MATK: variants seen among roughly 807,000 people sequenced by gnomAD.
The protein encoded by MATK is megakaryocyte-associated tyrosine-protein kinase.
Under a neutral mutation model 59.8 loss-of-function variants are expected in MATK, and 41 were observed. That is an observed-to-expected ratio of 0.69 (90% CI 0.53 to 0.89). The LOEUF is 0.89. MATK is among the 40% of genes least tolerant of loss of function. MATK has a pLI of 0.00. For synonymous variants in MATK, 308 were observed against 306.1 expected, an observed-to-expected ratio of 1.01 and a Z score of -0.06; for missense variants, 593 against 719.6, an observed-to-expected ratio of 0.82 and a Z score of 2.01.
upstream of MATK, chr19:3,789,469 C>T: frequency 5.2e-6 from 3 of 578,720 alleles, no homozygotes; most frequent in South Asian, 6.4e-5. Context: ...CAGGAGGCCT[C>T]ACCCCAGAAG....
chr19:3,788,097 TTTATA>T (rs71166928), upstream of MATK, among the ~76,000 whole-genome samples: 37,100 of 133,284 alleles, frequency 0.28, 4,928 homozygotes, highest in East Asian at 0.3. Flanking sequence ...ATTATTAATA[TTTATA>T]TTATATTATA....
In MATK at chr19:3,784,901, G is replaced by A. The variant is rs140755641; in HGVS notation, c.73-17C>T. The A allele has an allele frequency of 2.7e-6, 4 of 1,499,754 alleles. No homozygotes were observed. Among genetic ancestry groups the A allele is most frequent in the African/African-American group, 1.4e-5 (1 of 72,402 alleles). The allele number at this position is 1,499,754 out of a possible 1,614,324, so 92.9% of individuals were successfully genotyped here. A position where few individuals can be genotyped will look rare whatever the true frequency, so the allele number is the denominator to read the frequency against. The stretch of plus-strand genomic sequence containing the variant: ...GGGGCTCACCTGGGGAGGGGACAGA[G>A]TCCAGGTGGGAGCTGGGCTGGGACC... On this transcript the variant is annotated splice_polypyrimidine_tract_variant and intron_variant, in intron 2 of 13. Transcript: ENST00000310132.
chr19:3,793,136 C>G (rs1015167833), intron 1 of MATK: 4 of 152,244 alleles, frequency 2.6e-5, no homozygotes, highest in African/African-American at 9.6e-5. Context: ...CCTCTTGGGG[C>G]GAGCTGCTTT....
chr19:3,790,412 C>T (rs910949587), upstream of MATK, among the ~76,000 whole-genome samples: 1 of 152,182 alleles, frequency 6.6e-6, no homozygotes, highest in African/African-American at 2.4e-5. Flanking sequence ...CAGAGCAGTC[C>T]CCTTTCTGGC....
intron 8 of MATK, among the ~76,000 whole-genome samples, chr19:3,780,907 T>A (rs878965522): frequency 1.3e-5 from 2 of 151,766 alleles, no homozygotes; most frequent in East Asian, 3.9e-4. Context: ...GGCTTTTTTT[T>A]TGTACAGATG....
chr19:3,795,995 C>G (rs1186493815), intron 1 of MATK, among the ~76,000 whole-genome samples: 1 of 151,434 alleles, frequency 6.6e-6, no homozygotes, highest in African/African-American at 2.4e-5. Context: ...CTCCTGACCT[C>G]AAGTGATCTG....
intron 7 of MATK, chr19:3,782,858 T>C: frequency 2.1e-6 from 1 of 483,642 alleles, no homozygotes; most frequent in Non-Finnish European, 3.7e-6. Flanking sequence ...TGCTGGAGGA[T>C]GGGGTGGGTG....
At position 3,783,886 on chromosome 19, in the gene MATK, G is replaced by A. The variant is rs766711251; in HGVS notation, c.510C>T (p.Arg170=). 1.5e-5 allele frequency: 25 copies of A among 1,613,072 alleles called. 2 individuals are homozygous for A. The South Asian group carries it at 2.5e-4, about 16-fold the overall frequency. The change falls in exon 6 of 14, where the codon CGC becomes CGT. Residue 170 remains arginine, a synonymous_variant. Transcript: ENST00000310132. The part of the protein sequence containing the change: ...VSFGRDVIHY[R]VLHRDGHLTI... ...TGAGGTGGCCGTCGCGGTGCAGCAC[G>A]CGGTAGTGGATGACGTCGCGGCCAA...
chr19:3,784,220 A>ACG lies in MATK; in HGVS notation c.264_265dup (p.Val89AlafsTer73). The ACG allele has an allele frequency of 6.2e-7, 1 of 1,612,980 alleles. No individual in the cohort carries two copies. Among genetic ancestry groups the ACG allele is most frequent in the Non-Finnish European group, 8.5e-7 (1 of 1,179,434 alleles). Reference sequence around the variant, plus strand: ...CTCCTGTCCACTGGTGTGGTGCTTGACGCGGTACCAGCTCTTGTTCTGCCA... The same window carrying ACG: ...CTCCTGTCCACTGGTGTGGTGCTTGACGCGCGGTACCAGCTCTTGTTCTGCCA... On this transcript the variant is annotated frameshift_variant, in exon 5 of 14. Transcript: ENST00000310132. LOFTEE classifies it high-confidence loss of function.
chr19:3,795,878 C>T (rs891895483), intron 1 of MATK, among the ~76,000 whole-genome samples: 12 of 149,682 alleles, frequency 8.0e-5, no homozygotes, highest in Admixed American at 2.7e-4. Context: ...TCTCCTGCCT[C>T]AGCCTCTTGA....
chr19:3,784,238 T>A lies in MATK; in HGVS notation c.248A>T (p.Asn83Ile). The A allele has an allele frequency of 6.2e-7, 1 of 1,610,974 alleles. No individual in the cohort carries two copies. Among genetic ancestry groups the A allele is most frequent in the Non-Finnish European group, 8.5e-7 (1 of 1,177,904 alleles). ...DVVTILEACE[N>I]KSWYRVKHHT... ...GTGCTTGACGCGGTACCAGCTCTTG[T>A]TCTGCCAGGGAGGAAGCACGGGGTT... The change falls in exon 5 of 14, where the codon AAC (asparagine) becomes ATC (isoleucine). Residue 83 changes from asparagine (N) to isoleucine (I), a missense_variant and splice_region_variant. Coordinates refer to ENST00000310132, the MANE Select transcript of MATK (RefSeq NM_139355.3).
At chr19:3,790,344 C>T (rs894419633), upstream of MATK, among the ~76,000 whole-genome samples, 9 of 152,322 alleles carry the variant, frequency 5.9e-5, no homozygotes, top group African/African-American at 1.9e-4. Context: ...GACCCCCTGT[C>T]AACTTGATTT....
chr19:3,781,586 C>T (rs8105735), intron 8 of MATK, 21 bp downstream of exon 8: 2 of 1,613,630 alleles, frequency 1.2e-6, no homozygotes, highest in Non-Finnish European at 8.5e-7. Flanking sequence ...TTCAGCACCC[C>T]CAACCCAGTC....
At chr19:3,782,891 G>A (rs775938859) in intron 7 of MATK, 8 of 528,748 alleles carry the variant, frequency 1.5e-5, no homozygotes, top group Non-Finnish European at 2.7e-5. Context: ...CAGGTTTCTG[G>A]CTCAGATGGT....
Position 3,786,114 on chromosome 19 carries a change from T to A in MATK, c.-152+55A>T. The A allele has an allele frequency of 1.2e-6, 1 of 810,568 alleles. No homozygotes were observed. The highest frequency in any genetic ancestry group is 5.6e-5 in the South Asian group (1 of 17,924). The allele number at this position is 810,568 out of a possible 1,614,324, so 50.2% of individuals were successfully genotyped here. ...CCACCCCCGCCTAGAGCCCTCGGGG[T>A]TTCCCCCCACCCCGGCCTCGGGGTC... On this transcript the variant is annotated intron_variant, in intron 1 of 13. Coordinates refer to ENST00000310132, the MANE Select transcript of MATK (RefSeq NM_139355.3). This position sits in a 1 kb window ranked among gnomAD's most constrained non-coding sequence, Gnocchi z 4.1.
At chr19:3,780,118 T>C (rs1379369066) in intron 8 of MATK, among the ~76,000 whole-genome samples, 3 of 152,024 alleles carry the variant, frequency 2.0e-5, no homozygotes, top group Non-Finnish European at 4.4e-5. Context: ...CTGTCTCTAA[T>C]GAAAATACAA....
At chr19:3,785,873 C>A (rs79747307) in intron 1 of MATK, 1 of 152,416 alleles carries the variant, frequency 6.6e-6, no homozygotes, top group Admixed American at 6.5e-5. Flanking sequence ...GCCGCGCACA[C>A]GCTTTTCGGC....
chr19:3,793,399 C>T (rs1355681335), intron 1 of MATK: 1 of 152,064 alleles, frequency 6.6e-6, no homozygotes, highest in Non-Finnish European at 1.5e-5. Context: ...AATCCCGTCT[C>T]TACTAAAAAA....
intron 9 of MATK, 28 bp from the exon 10 acceptor site, chr19:3,779,645 C>T (rs563203611): frequency 9.1e-5 from 146 of 1,610,204 alleles, no homozygotes; most frequent in Non-Finnish European, 1.2e-4. Flanking sequence ...GGCGTGAGGG[C>T]AGGGCTGGGA....
Sources: gnomAD v4.1 joint callset for allele counts (sites outside exome capture counted in the v4.1 genomes callset) on GRCh38, gnomAD v4.1.1 for gene constraint, Gnocchi (gnomAD v3.1) non-coding constraint, MANE v1.5 for transcripts, NCBI Gene and HGNC (gene_info 2026-07-23, HGNC 2026-07-21) for gene names.